The following PDLIM3 variants were observed in gnomAD, a reference collection of about 807,000 sequenced individuals.
PDLIM3 encodes PDZ and LIM domain 3, also known as PDZ and LIM domain protein 3.
PDLIM3 carries 36 observed loss-of-function variants against 37.3 expected under a neutral mutation model. The ratio of observed to expected loss-of-function variants is 0.97; its 90% CI spans 0.74 to 1.28. PDLIM3 has a LOEUF of 1.28. PDLIM3 is among the 50% of genes most tolerant of loss of function. PDLIM3 has a pLI of 0.00. For missense variants in PDLIM3, 454 were observed against 485.0 expected, an observed-to-expected ratio of 0.94 and a Z score of 0.60; for synonymous variants, 174 against 182.4, an observed-to-expected ratio of 0.95 and a Z score of 0.37.
chr4:185,525,210 C>T lies in PDLIM3; in HGVS notation c.94-39G>A, dbSNP rs762617477. 1.7e-5 allele frequency: 27 copies of T among 1,607,794 alleles called. 1 individual carries two copies. The highest frequency in any genetic ancestry group is 1.1e-4 in the East Asian group (5 of 44,872). ...TGGCACTATTTAAAAACCAACATCC[C>T]GCAGTATCTTGAGTTTTGTGCCTGA... On this transcript the variant is annotated intron_variant, in intron 1 of 7. Coordinates refer to ENST00000284767, the MANE Select transcript of PDLIM3 (RefSeq NM_014476.6).
chr4:185,530,151 A>T (rs2095741502), intron 1 of PDLIM3, among the ~76,000 whole-genome samples: 2 of 152,228 alleles, frequency 1.3e-5, no homozygotes, highest in Non-Finnish European at 2.9e-5. Flanking sequence ...TATGAGTTAC[A>T]CATGAACCAG....
intron 3 of PDLIM3, chr4:185,515,008 G>A (rs1017931448): frequency 1.3e-6 from 1 of 775,964 alleles, no homozygotes; most frequent in Non-Finnish European, 2.0e-6. Context: ...GAGATTGACG[G>A]AAAGATTAGA....
At position 185,514,917 on chromosome 4, in the gene PDLIM3, G is replaced by A. The variant is rs1439499048; in HGVS notation, c.331-580C>T. On this transcript the variant is annotated intron_variant, in intron 3 of 7. Coordinates refer to ENST00000284767, the MANE Select transcript of PDLIM3 (RefSeq NM_014476.6). This position sits in a 1 kb window ranked among gnomAD's most constrained non-coding sequence, Gnocchi z 4.0. ...TGTACAATGGCAGACAAAATACACAGCCACACAGCGCACAAGAAAGCCATT... is the reference window on the plus strand; with the variant it reads ...TGTACAATGGCAGACAAAATACACAACCACACAGCGCACAAGAAAGCCATT... 6.5e-7 allele frequency: 1 copy of A among 1,530,854 alleles called. No individual in the cohort carries two copies. Among genetic ancestry groups the A allele is most frequent in the African/African-American group, 1.4e-5 (1 of 72,426 alleles). 94.8% of individuals were successfully genotyped at this position (1,530,854 alleles called of 1,614,324 possible).
Position 185,513,939 on chromosome 4 carries a change from T to TC in PDLIM3, c.398+330dup, listed in dbSNP as rs2095710645. ...ATGCTCGCTCCTGCTGGCAGGGCTT[T>TC]CCTGACCTGGGATAGACATACTGAC... On this transcript the variant is annotated intron_variant, in intron 4 of 7. Transcript: ENST00000284767. 2.5e-6 allele frequency: 3 copies of TC among 1,218,942 alleles called. No homozygotes were observed. In the South Asian group the frequency reaches 5.0e-5, roughly 20 times the overall value. The allele number at this position is 1,218,942 out of a possible 1,614,324, so 75.5% of individuals were successfully genotyped here.
chr4:185,513,534 C>G, intron 4 of PDLIM3: 1 of 973,404 alleles, frequency 1.0e-6, no homozygotes, highest in Non-Finnish European at 1.2e-6. Context: ...TTTTTTTAAA[C>G]AAAAGAATTA....
At chr4:185,522,690 G>A (rs73016256) in intron 3 of PDLIM3, among the ~76,000 whole-genome samples, 8,036 of 66,548 alleles carry the variant, frequency 0.12, 2,126 homozygotes, top group African/African-American at 0.21. Context: ...AGATTTATGA[G>A]TACATCACAA....
intron 1 of PDLIM3, among the ~76,000 whole-genome samples, chr4:185,529,390 C>T (rs2095739875): frequency 6.6e-6 from 1 of 152,190 alleles, no homozygotes; most frequent in Non-Finnish European, 1.5e-5. Context: ...AGACGTAAGG[C>T]AAGCCCAAGA....
At chr4:185,533,670 A>G (rs957126765) in intron 1 of PDLIM3, among the ~76,000 whole-genome samples, 1 of 152,186 alleles carries the variant, frequency 6.6e-6, no homozygotes, top group African/African-American at 2.4e-5. Context: ...AACTGCCATT[A>G]TATCAAATAT....
At chr4:185,511,505 C>T (rs2095706569) in intron 4 of PDLIM3, among the ~76,000 whole-genome samples, 1 of 152,084 alleles carries the variant, frequency 6.6e-6, no homozygotes, top group Non-Finnish European at 1.5e-5. Context: ...CAATTACAGG[C>T]ATGTGCCACC....
At chr4:185,520,820 C>T (rs1242916230) in intron 3 of PDLIM3, among the ~76,000 whole-genome samples, 2 of 65,132 alleles carry the variant, frequency 3.1e-5, no homozygotes, top group African/African-American at 5.6e-5. Context: ...TTTGGTACTT[C>T]GGTCAGATCT....
chr4:185,513,693 G>T (rs2095710265), intron 4 of PDLIM3: 3 of 1,001,720 alleles, frequency 3.0e-6, no homozygotes, highest in Non-Finnish European at 3.6e-6. Flanking sequence ...GAGGTCAGAA[G>T]GATGGAACAG....
intron 2 of PDLIM3, 33 bp downstream of exon 2, chr4:185,524,987 G>A: frequency 6.2e-7 from 1 of 1,609,574 alleles, no homozygotes; most frequent in Non-Finnish European, 8.5e-7. Context: ...CTGCAAAACA[G>A]ATCAGATTTA....
intron 5 of PDLIM3, among the ~76,000 whole-genome samples, chr4:185,507,925 C>G (rs914000057): frequency 7.2e-5 from 11 of 151,996 alleles, no homozygotes; most frequent in African/African-American, 2.7e-4. Context: ...ATAGGGTATA[C>G]TAGATTATAA....
chr4:185,515,730 C>T (rs892985723), intron 3 of PDLIM3: 4 of 152,040 alleles, frequency 2.6e-5, no homozygotes, highest in African/African-American at 4.8e-5. Context: ...TCTGAATGAT[C>T]TAAAATCCTA....
rs866127618 is a variant in PDLIM3, at chr4:185,515,118, A to T, written c.331-781T>A. ...AGGTGAAAAGGAACTGACCTTATTT[A>T]ACATATTATAAAATAATTTAAACAT... On this transcript the variant is annotated intron_variant, in intron 3 of 7. Coordinates refer to ENST00000284767, the MANE Select transcript of PDLIM3 (RefSeq NM_014476.6). 3 of 340,394 alleles carry T rather than the reference A, an allele frequency of 8.8e-6. No individual in the cohort carries two copies. In the South Asian group the frequency reaches 3.4e-4, roughly 39 times the overall value. The allele number at this position is 340,394 out of a possible 1,614,324, so 21.1% of individuals were successfully genotyped here.
Position 185,502,100 on chromosome 4 carries a change from T to G in PDLIM3, c.*194A>C. The G allele has an allele frequency of 1.6e-6, 1 of 637,394 alleles. No individual in the cohort carries two copies. The highest frequency in any genetic ancestry group is 2.8e-5 in the East Asian group (1 of 36,000). 39.5% of individuals were successfully genotyped at this position (637,394 alleles called of 1,614,324 possible). A position where few individuals can be genotyped will look rare whatever the true frequency, so the allele number is the denominator to read the frequency against. ...AAAAGAGTTGCAAAACATAGCTAAG[T>G]GTATGTTTTTTTCACATAGCAGGCA... On this transcript the variant is annotated 3_prime_UTR_variant, in exon 8 of 8. Coordinates refer to ENST00000284767, the MANE Select transcript of PDLIM3 (RefSeq NM_014476.6).
At position 185,504,496 on chromosome 4, in the gene PDLIM3, TCA is replaced by T. The variant is rs2095693247; in HGVS notation, c.882_883del (p.Cys294Ter). ...TTACACTATGCCACTCCCACATTTGTCACAGAGCGGCATCCTCTGTGCCCCGC... is the reference window on the plus strand; with the variant it reads ...TTACACTATGCCACTCCCACATTTGTCAGAGCGGCATCCTCTGTGCCCCGC... On this transcript the variant is annotated stop_gained and frameshift_variant, in exon 7 of 8. Coordinates refer to ENST00000284767, the MANE Select transcript of PDLIM3 (RefSeq NM_014476.6). LOFTEE classifies it high-confidence loss of function. This position sits in a 1 kb window ranked among gnomAD's most constrained non-coding sequence, Gnocchi z 4.7. 6.2e-7 allele frequency: 1 copy of T among 1,613,798 alleles called. No homozygotes were observed. Among genetic ancestry groups the T allele is most frequent in the Admixed American group, 1.7e-5 (1 of 60,024 alleles).
In PDLIM3 at chr4:185,502,397, C is replaced by A. The variant is rs1060500600; in HGVS notation, c.992G>T (p.Gly331Val). The change falls in exon 8 of 8, where the codon GGC becomes GTC. Residue 331 changes from glycine (G) to valine (V), a missense_variant. Coordinates refer to ENST00000284767, the MANE Select transcript of PDLIM3 (RefSeq NM_014476.6). ...CAGCTCCCCTTCTATGAAGAAGTAG[C>A]CCTTTTGCTTGAGGTTGAGGTTGCA... ...ADCNLNLKQKGYFFIEGELYC... is the reference protein window; with the variant it reads ...ADCNLNLKQKVYFFIEGELYC... The A allele has an allele frequency of 1.2e-6, 2 of 1,614,210 alleles. No homozygotes were observed. Among genetic ancestry groups the A allele is most frequent in the Non-Finnish European group, 1.7e-6 (2 of 1,180,042 alleles).
intron 1 of PDLIM3, among the ~76,000 whole-genome samples, chr4:185,530,985 C>CAA (rs2095743336): frequency 2.4e-5 from 1 of 41,912 alleles, no homozygotes; most frequent in African/African-American, 7.4e-5. Flanking sequence ...CACACACACA[C>CAA]ACATACACAC....
Sources: allele counts gnomAD v4.1 joint callset (sites outside exome capture counted in the v4.1 genomes callset), GRCh38; gene constraint gnomAD v4.1.1; non-coding constraint Gnocchi (gnomAD v3.1); transcripts MANE v1.5; gene names NCBI Gene and HGNC (gene_info 2026-07-23, HGNC 2026-07-21).